DGKB: variants seen among roughly 807,000 people sequenced by gnomAD.
DGKB encodes 90 kDa diacylglycerol kinase.
Under a neutral mutation model 114.3 loss-of-function variants are expected in DGKB, and 67 were observed. That is an observed-to-expected ratio of 0.59 (90% CI 0.48 to 0.72). DGKB has a LOEUF of 0.72. DGKB is among the 30% of genes least tolerant of loss of function. DGKB has a pLI of 0.00. For missense variants in DGKB, 907 were observed against 975.2 expected (o/e 0.93, Z 0.93); for synonymous variants, 398 against 323.1 (o/e 1.23, Z -2.49).
chr7:14,487,819 T>C (rs1005640384), intron 20 of DGKB, among the ~76,000 whole-genome samples: 2 of 151,686 alleles, frequency 1.3e-5, no homozygotes, highest in African/African-American at 4.8e-5. Context: ...AGCTATGTTG[T>C]CCAGGCTACT....
At chr7:14,654,147 AC>A (rs1290544226) in intron 13 of DGKB, among the ~76,000 whole-genome samples, 1 of 152,082 alleles carries the variant, frequency 6.6e-6, no homozygotes, top group African/African-American at 2.4e-5. Flanking sequence ...TGAAGACTTC[AC>A]AAAAAACTCT....
intron 23 of DGKB, among the ~76,000 whole-genome samples, chr7:14,330,145 A>G (rs1809470326): frequency 6.6e-6 from 1 of 152,038 alleles, no homozygotes; most frequent in South Asian, 2.1e-4. Context: ...GAATTTTGAA[A>G]ATAAACAATG....
chr7:14,431,140 T>C (rs1828392136), intron 21 of DGKB, among the ~76,000 whole-genome samples: 1 of 152,098 alleles, frequency 6.6e-6, no homozygotes, highest in South Asian at 2.1e-4. Flanking sequence ...TTCTCTTTCA[T>C]TGTTATGTGT....
In DGKB at chr7:14,255,691, A is replaced by G. The variant is rs1200864379; in HGVS notation, c.2123-77540T>C. 3.3e-5 allele frequency among the ~76,000 whole-genome samples: 5 copies of G among 152,224 alleles called. No homozygotes were observed. In the East Asian group the frequency reaches 9.7e-4, roughly 29 times the overall value. On this transcript the variant is annotated intron_variant, in intron 23 of 25. Coordinates refer to ENST00000402815, the MANE Select transcript of DGKB (RefSeq NM_001350709.2). ...AATTCTCTCTATTGATTCATTCACC[A>G]GAGTTTGTAAAAAAGCCCTTCATCT... is the stretch of plus-strand genomic sequence containing the variant.
chr7:14,936,276 T>C (rs544551614), intron 1 of DGKB, among the ~76,000 whole-genome samples: 1 of 152,254 alleles, frequency 6.6e-6, no homozygotes. Context: ...CATAGAAGTA[T>C]TGCATTTGAA....
intron 21 of DGKB, among the ~76,000 whole-genome samples, chr7:14,462,429 G>A (rs1163535080): frequency 1.3e-5 from 2 of 152,056 alleles, no homozygotes; most frequent in African/African-American, 4.8e-5. Context: ...AAATCAATGT[G>A]CAAAAATCAC....
chr7:14,405,192 G>T (rs1187877384), intron 21 of DGKB, among the ~76,000 whole-genome samples: 2 of 151,916 alleles, frequency 1.3e-5, no homozygotes, highest in African/African-American at 4.8e-5. Context: ...ACATAATCTA[G>T]TCAACAGAAG....
chr7:14,959,780 C>T (rs988832808), intron 1 of DGKB, among the ~76,000 whole-genome samples: 1 of 146,676 alleles, frequency 6.8e-6, no homozygotes, highest in Non-Finnish European at 1.5e-5. Flanking sequence ...AAAAAAAAGG[C>T]AGTTTTCTAT....
intron 1 of DGKB, among the ~76,000 whole-genome samples, chr7:14,863,344 A>T (rs1379024122): frequency 6.6e-6 from 1 of 151,480 alleles, no homozygotes; most frequent in Non-Finnish European, 1.5e-5. Context: ...ATTTAGATTT[A>T]AAAATTATTA....
intron 1 of DGKB, among the ~76,000 whole-genome samples, chr7:14,925,533 A>T (rs1047838015): frequency 6.6e-5 from 10 of 152,166 alleles, no homozygotes; most frequent in African/African-American, 2.4e-4. Context: ...CTAATTCATG[A>T]ATATGGTATG....
chr7:14,415,812 T>A (rs532162578), intron 21 of DGKB, among the ~76,000 whole-genome samples: 1 of 152,118 alleles, frequency 6.6e-6, no homozygotes, highest in Non-Finnish European at 1.5e-5. Context: ...GGTCAAATGA[T>A]ATTTCTAGTT....
At chr7:14,937,940 T>C (rs571095500) in intron 1 of DGKB, among the ~76,000 whole-genome samples, 3 of 152,088 alleles carry the variant, frequency 2.0e-5, no homozygotes, top group Admixed American at 6.5e-5. Context: ...AAATGCAGTA[T>C]ATAATACAAC....
intron 9 of DGKB, 83 bp downstream of exon 9, chr7:14,693,992 T>G: frequency 1.4e-6 from 2 of 1,468,762 alleles, no homozygotes; most frequent in Non-Finnish European, 1.8e-6. Flanking sequence ...TAGAAAATGG[T>G]CACATCAATC....
At chr7:14,209,377 G>A (rs1385946912) in intron 23 of DGKB, 3 of 462,322 alleles carry the variant, frequency 6.5e-6, no homozygotes, top group Admixed American at 2.4e-5. Flanking sequence ...TACAGACACT[G>A]CTTGCAACTA....
chr7:14,281,512 T>A (rs1799953401), intron 23 of DGKB, among the ~76,000 whole-genome samples: 1 of 147,154 alleles, frequency 6.8e-6, no homozygotes, highest in Non-Finnish European at 1.5e-5. Flanking sequence ...CAAGCGGACC[T>A]AATAGACATC....
At chr7:14,193,975 T>C (rs1159818057) in intron 23 of DGKB, among the ~76,000 whole-genome samples, 2 of 152,074 alleles carry the variant, frequency 1.3e-5, no homozygotes, top group African/African-American at 4.8e-5. Context: ...ATAAAGGAAA[T>C]GTAAATGAAA....
intron 23 of DGKB, among the ~76,000 whole-genome samples, chr7:14,306,359 G>A (rs911939694): frequency 6.6e-6 from 1 of 152,062 alleles, no homozygotes; most frequent in East Asian, 1.9e-4. Flanking sequence ...TTAGGAGAGG[G>A]ATACATGATT....
intron 13 of DGKB, among the ~76,000 whole-genome samples, chr7:14,637,071 C>T (rs1269966977): frequency 6.6e-6 from 1 of 151,838 alleles, no homozygotes; most frequent in Non-Finnish European, 1.5e-5. Flanking sequence ...CGGATTCAAA[C>T]AGTAACATTC....
chr7:14,245,444 C>G (rs528704439), intron 23 of DGKB, among the ~76,000 whole-genome samples: 1 of 151,958 alleles, frequency 6.6e-6, no homozygotes, highest in Admixed American at 6.6e-5. Flanking sequence ...AGGTAAGCAT[C>G]GGAAAAGGGA....
Sources: allele counts gnomAD v4.1 joint callset (sites outside exome capture counted in the v4.1 genomes callset), GRCh38; gene constraint gnomAD v4.1.1; transcripts MANE v1.5; gene names NCBI Gene and HGNC (gene_info 2026-07-23, HGNC 2026-07-21).